Variants in CTNND2 observed in about 807,000 individuals in gnomAD.
CTNND2 encodes catenin delta-2.
Under a neutral mutation model 144.4 loss-of-function variants are expected in CTNND2, and 22 were observed. The observed-to-expected ratio is 0.15, with a 90% CI of 0.11 to 0.22. The LOEUF (loss-of-function observed/expected upper bound fraction) is 0.22, where lower values mean the gene tolerates loss of function less well. Ranked by LOEUF, CTNND2 falls within the 10% of genes least tolerant of loss-of-function variation. The probability of loss-of-function intolerance (pLI) is 1.00; values close to 1 mark genes in which losing one functional copy is unlikely to be tolerated. For missense variants in CTNND2, 1,353 were observed against 1,618.8 expected (o/e 0.84, Z 2.82); for synonymous variants, 751 against 695.6 (o/e 1.08, Z -1.25).
intron 10 of CTNND2, among the ~76,000 whole-genome samples, chr5:11,213,209 T>C (rs1018750144): frequency 6.6e-6 from 1 of 152,072 alleles, no homozygotes; most frequent in Non-Finnish European, 1.5e-5. Context: ...GGTGGAGCCA[T>C]CTTGTGTTTC....
At chr5:11,856,012 A>G (rs1161906883) in intron 1 of CTNND2, among the ~76,000 whole-genome samples, 2 of 152,212 alleles carry the variant, frequency 1.3e-5, no homozygotes, top group Admixed American at 1.3e-4. Context: ...AATGAATACT[A>G]TGTGCATTAA....
chr5:11,349,739 T>C (rs1755143493), intron 8 of CTNND2, among the ~76,000 whole-genome samples: 1 of 152,186 alleles, frequency 6.6e-6, no homozygotes, highest in South Asian at 2.1e-4. Context: ...ACACTATTTC[T>C]CATTACATTT....
intron 2 of CTNND2, among the ~76,000 whole-genome samples, chr5:11,592,819 G>A (rs1278109985): frequency 6.6e-6 from 1 of 150,946 alleles, no homozygotes; most frequent in Admixed American, 6.7e-5. Flanking sequence ...AGTCTTAAAG[G>A]AAGAGAATAA....
At chr5:11,702,094 T>C (rs1387936292) in intron 2 of CTNND2, among the ~76,000 whole-genome samples, 1 of 152,160 alleles carries the variant, frequency 6.6e-6, no homozygotes, top group East Asian at 1.9e-4. Flanking sequence ...AGAAACACAG[T>C]GCACAGAACC....
chr5:11,736,032 A>T (rs1787665801), intron 1 of CTNND2, among the ~76,000 whole-genome samples: 1 of 152,162 alleles, frequency 6.6e-6, no homozygotes, highest in Non-Finnish European at 1.5e-5. Flanking sequence ...TTTGACAAAG[A>T]AATTGTTTAA....
chr5:11,593,975 A>G (rs1479949435), intron 2 of CTNND2, among the ~76,000 whole-genome samples: 1 of 152,222 alleles, frequency 6.6e-6, no homozygotes, highest in African/African-American at 2.4e-5. Context: ...TGTAAGTGGG[A>G]ATATAAAATG....
chr5:11,676,873 C>T lies in CTNND2; in HGVS notation c.174+55263G>A, dbSNP rs144053242. 2.1e-4 allele frequency among the ~76,000 whole-genome samples: 32 copies of T among 152,254 alleles called. 1 individual carries two copies. The highest frequency in any genetic ancestry group is 7.2e-4 in the African/African-American group (30 of 41,538). The stretch of plus-strand genomic sequence containing the variant: ...CTTCCATTAATATCAAACCTGTTTC[C>T]CTTTTGTGTAAATTAATATATTACC... On this transcript the variant is annotated intron_variant, in intron 2 of 21. Coordinates refer to ENST00000304623, the MANE Select transcript of CTNND2 (RefSeq NM_001332.4).
chr5:11,055,333 C>G (rs760834466), intron 16 of CTNND2, among the ~76,000 whole-genome samples: 15 of 152,166 alleles, frequency 9.9e-5, no homozygotes, highest in Non-Finnish European at 7.3e-5. Context: ...TGCCATAAGT[C>G]CCCTCTGAGG....
At chr5:11,815,020 G>T (rs1398120746) in intron 1 of CTNND2, among the ~76,000 whole-genome samples, 1 of 152,116 alleles carries the variant, frequency 6.6e-6, no homozygotes, top group Non-Finnish European at 1.5e-5. Flanking sequence ...TCATTAGTGA[G>T]AATTTTGTGG....
At chr5:11,189,568 C>T (rs1465470565) in intron 11 of CTNND2, among the ~76,000 whole-genome samples, 1 of 152,084 alleles carries the variant, frequency 6.6e-6, no homozygotes, top group African/African-American at 2.4e-5. Context: ...ATTTTATTTT[C>T]TCTAGCTTAC....
chr5:11,734,542 T>C (rs1787575132), intron 1 of CTNND2, among the ~76,000 whole-genome samples: 3 of 152,142 alleles, frequency 2.0e-5, no homozygotes, highest in Admixed American at 2.0e-4. Flanking sequence ...CTGAGGATAT[T>C]TACCAAGGCA....
chr5:11,205,571 G>C (rs774206894), intron 10 of CTNND2, among the ~76,000 whole-genome samples: 1 of 151,818 alleles, frequency 6.6e-6, no homozygotes, highest in Non-Finnish European at 1.5e-5. Flanking sequence ...AAATTGCAAG[G>C]TTATCAGTTT....
At chr5:11,198,878 C>A (rs954766680) in intron 11 of CTNND2, among the ~76,000 whole-genome samples, 2 of 152,188 alleles carry the variant, frequency 1.3e-5, no homozygotes, top group African/African-American at 4.8e-5. Context: ...ATTTATGAAA[C>A]CTTCACGACT....
chr5:11,752,490 C>G (rs150056459), intron 1 of CTNND2, among the ~76,000 whole-genome samples: 1 of 150,050 alleles, frequency 6.7e-6, no homozygotes, highest in Non-Finnish European at 1.5e-5. Flanking sequence ...TTGCAGGTAT[C>G]TGGCTTTATT....
chr5:11,635,976 T>C (rs1202515573), intron 2 of CTNND2, among the ~76,000 whole-genome samples: 1 of 151,964 alleles, frequency 6.6e-6, no homozygotes, highest in Non-Finnish European at 1.5e-5. Flanking sequence ...CTAATAGAAA[T>C]TGTTCAAATG....
chr5:11,329,548 G>A (rs1752873073), intron 9 of CTNND2, among the ~76,000 whole-genome samples: 1 of 152,190 alleles, frequency 6.6e-6, no homozygotes, highest in Admixed American at 6.5e-5. Flanking sequence ...TTTGGGGACA[G>A]AATTCAGCCC....
Position 11,623,556 on chromosome 5 carries a change from T to C in CTNND2, c.175-58500A>G, listed in dbSNP as rs1480294928. ...AATTACCCAGTCTTGGGTTTGCCTT[T>C]ATCAGCAGTGTGAAAATGGACTAAT... On this transcript the variant is annotated intron_variant, in intron 2 of 21. Transcript: ENST00000304623. 3.3e-5 allele frequency among the ~76,000 whole-genome samples: 5 copies of C among 151,846 alleles called. No homozygotes were observed. In the East Asian group the frequency reaches 9.7e-4, roughly 29 times the overall value.
intron 11 of CTNND2, among the ~76,000 whole-genome samples, chr5:11,168,257 A>G (rs762369746): frequency 6.6e-6 from 1 of 152,196 alleles, no homozygotes; most frequent in East Asian, 1.9e-4. Flanking sequence ...ATCAGGCTCT[A>G]TTAATGGAAA....
intron 12 of CTNND2, among the ~76,000 whole-genome samples, chr5:11,136,507 GA>G (rs1756164719): frequency 6.6e-6 from 1 of 152,174 alleles, no homozygotes; most frequent in South Asian, 2.1e-4. Flanking sequence ...GGCCTATTTT[GA>G]GGGTTTTCTT....
Sources: gnomAD v4.1 joint callset for allele counts (sites outside exome capture counted in the v4.1 genomes callset) on GRCh38, gnomAD v4.1.1 for gene constraint, MANE v1.5 for transcripts, NCBI Gene and HGNC (gene_info 2026-07-23, HGNC 2026-07-21) for gene names.